Variants in CDH4 observed in about 807,000 individuals in gnomAD.
CDH4 encodes cadherin 4.
CDH4 carries 33 observed loss-of-function variants against 86.0 expected under a neutral mutation model. The ratio of observed to expected loss-of-function variants is 0.38; its 90% CI spans 0.29 to 0.51. CDH4 has a LOEUF of 0.51. Among genes scored for constraint, CDH4 ranks in the 20% least tolerant of loss-of-function variants. The pLI is 0.86. For missense variants in CDH4, 1,114 were observed against 1,307.4 expected (o/e 0.85, Z 2.28); for synonymous variants, 555 against 549.4 (o/e 1.01, Z -0.14).
intron 2 of CDH4, among the ~76,000 whole-genome samples, chr20:61,260,866 CTG>C (rs2084124242): frequency 6.6e-6 from 1 of 152,190 alleles, no homozygotes; most frequent in South Asian, 2.1e-4. Flanking sequence ...AGTATATATC[CTG>C]TCTTTAGAAA....
intron 3 of CDH4, among the ~76,000 whole-genome samples, chr20:61,755,368 C>A (rs1382670199): frequency 2.1e-5 from 3 of 144,680 alleles, no homozygotes; most frequent in Non-Finnish European, 4.5e-5. Context: ...GCCACACACA[C>A]CACACACACA....
At chr20:61,312,242 T>TG (rs1161764532) in intron 2 of CDH4, among the ~76,000 whole-genome samples, 2 of 151,200 alleles carry the variant, frequency 1.3e-5, no homozygotes, top group Non-Finnish European at 3.0e-5. Flanking sequence ...TGCATGTGTG[T>TG]GGTGTGTGTG....
chr20:61,376,529 G>A (rs983414331), intron 2 of CDH4, among the ~76,000 whole-genome samples: 8 of 152,182 alleles, frequency 5.3e-5, no homozygotes, highest in African/African-American at 1.9e-4. Flanking sequence ...AGGAGGCTGA[G>A]GTGGAGGCGT....
At chr20:61,895,454 G>T in intron 8 of CDH4, among the ~76,000 whole-genome samples, 1 of 152,238 alleles carries the variant, frequency 6.6e-6, no homozygotes, top group East Asian at 1.9e-4. Context: ...ACCCTCTGTG[G>T]CCTGCTGTCG....
intron 3 of CDH4, among the ~76,000 whole-genome samples, chr20:61,764,271 G>A (rs1468821621): frequency 6.6e-6 from 1 of 152,226 alleles, no homozygotes; most frequent in African/African-American, 2.4e-5. Flanking sequence ...CATGCACCTT[G>A]CCCGTGAACC....
chr20:61,348,714 G>A (rs1361612704), intron 2 of CDH4, among the ~76,000 whole-genome samples: 1 of 152,194 alleles, frequency 6.6e-6, no homozygotes, highest in Non-Finnish European at 1.5e-5. Flanking sequence ...GGACGAGTGG[G>A]CAGAAGTGAG....
intron 2 of CDH4, among the ~76,000 whole-genome samples, chr20:61,420,879 T>C (rs1182566712): frequency 2.7e-5 from 4 of 149,880 alleles, no homozygotes; most frequent in Non-Finnish European, 5.9e-5. Flanking sequence ...CACTGGTAAA[T>C]GGAGTGTGGC....
At chr20:61,579,104 G>A (rs2086406154) in intron 2 of CDH4, among the ~76,000 whole-genome samples, 1 of 152,088 alleles carries the variant, frequency 6.6e-6, no homozygotes, top group Non-Finnish European at 1.5e-5. Flanking sequence ...CCACACCTGA[G>A]GGTGGAGGAT....
chr20:61,363,172 G>A (rs1416593826), intron 2 of CDH4, among the ~76,000 whole-genome samples: 2 of 152,188 alleles, frequency 1.3e-5, no homozygotes, highest in East Asian at 1.9e-4. Flanking sequence ...GCACTGGACC[G>A]AGGACCTGAT....
intron 2 of CDH4, among the ~76,000 whole-genome samples, chr20:61,382,408 A>G (rs2084907971): frequency 6.6e-6 from 1 of 152,202 alleles, no homozygotes; most frequent in African/African-American, 2.4e-5. Flanking sequence ...GAACATGCAC[A>G]TGGAAGACCC....
At chr20:61,253,801 A>T (rs6129084) in intron 1 of CDH4, among the ~76,000 whole-genome samples, 84,494 of 151,934 alleles carry the variant, frequency 0.56, 24,520 homozygotes, top group Non-Finnish European at 0.63. Context: ...CGGCCTCCGG[A>T]GTCGAAGCAT....
chr20:61,938,134 A>G lies in CDH4; in HGVS notation c.*1191A>G, dbSNP rs12373856. ...CTTGCCGTGCCTACCTGTCGCACAG[A>G]TGCCTCTGCACGCTGCAGACGGTGC... On this transcript the variant is annotated 3_prime_UTR_variant, in exon 16 of 16. Transcript: ENST00000614565. 30,664 of 152,298 alleles carry G rather than the reference A, an allele frequency of 0.2. 3,383 individuals carry two copies. Among genetic ancestry groups the G allele is most frequent in the Middle Eastern group, 0.27 (79 of 296 alleles). 9.4% of individuals were successfully genotyped at this position (152,298 alleles called of 1,614,324 possible). A position where few individuals can be genotyped will look rare whatever the true frequency, so the allele number is the denominator to read the frequency against.
chr20:61,907,231 C>T (rs1165045721), intron 8 of CDH4, among the ~76,000 whole-genome samples: 4 of 152,146 alleles, frequency 2.6e-5, no homozygotes, highest in Admixed American at 6.5e-5. Flanking sequence ...CACAGCAACA[C>T]GGACCTGGCT....
chr20:61,618,111 C>G (rs144439974), intron 2 of CDH4, among the ~76,000 whole-genome samples: 2,068 of 152,210 alleles, frequency 0.014, 49 homozygotes, highest in African/African-American at 0.047. Context: ...TACCCAGTCT[C>G]GGGCAGGCCT....
intron 4 of CDH4, among the ~76,000 whole-genome samples, chr20:61,832,315 C>G (rs1981661308): frequency 6.6e-6 from 1 of 152,180 alleles, no homozygotes; most frequent in South Asian, 2.1e-4. Flanking sequence ...GCTGCAGTTT[C>G]CTCATCTGTA....
intron 3 of CDH4, among the ~76,000 whole-genome samples, chr20:61,755,620 ACACACATGCCC>A (rs1293546224): frequency 1.3e-5 from 2 of 149,800 alleles, no homozygotes; most frequent in Admixed American, 6.6e-5. Context: ...GCACACACCC[ACACACATGCCC>A]CACACACCAC....
At chr20:61,629,105 C>G (rs888206081) in intron 2 of CDH4, among the ~76,000 whole-genome samples, 3 of 152,260 alleles carry the variant, frequency 2.0e-5, no homozygotes, top group Non-Finnish European at 4.4e-5. Flanking sequence ...CAGCTGCAGT[C>G]CCCAGAGCAG....
intron 6 of CDH4, among the ~76,000 whole-genome samples, chr20:61,855,765 G>C (rs547020421): frequency 6.6e-6 from 1 of 152,396 alleles, no homozygotes; most frequent in African/African-American, 2.4e-5. Context: ...GCCATTTGCA[G>C]AGCTGGGCAC....
chr20:61,813,862 C>T lies in CDH4; in HGVS notation c.577-30806C>T, dbSNP rs183842135. On this transcript the variant is annotated intron_variant, in intron 4 of 15. Transcript: ENST00000614565. ...AGATTACCAACGGCCCTACCCCTGC[C>T]GCACAAACCCTGCACAGAGGGTGGT... is the stretch of plus-strand genomic sequence containing the variant. Among the ~76,000 whole-genome samples the T allele has an allele frequency of 3.1e-3, 472 of 152,320 alleles. 1 individual carries two copies. The highest frequency in any genetic ancestry group is 6.0e-3 in the Admixed American group (92 of 15,302).
Sources: gnomAD v4.1 joint callset for allele counts (sites outside exome capture counted in the v4.1 genomes callset) on GRCh38, gnomAD v4.1.1 for gene constraint, MANE v1.5 for transcripts, NCBI Gene and HGNC (gene_info 2026-07-23, HGNC 2026-07-21) for gene names.